PIK3C2G: variants seen among roughly 807,000 people sequenced by gnomAD.
PIK3C2G encodes the protein phosphatidylinositol 3-kinase C2 domain-containing subunit gamma.
Under a neutral mutation model 181.1 loss-of-function variants are expected in PIK3C2G, and 168 were observed. The observed-to-expected ratio is 0.93, with a 90% CI of 0.82 to 1.05. The LOEUF (loss-of-function observed/expected upper bound fraction) is 1.05, where lower values mean the gene tolerates loss of function less well. Among genes scored for constraint, PIK3C2G ranks in the 50% least tolerant of loss-of-function variants. The pLI is 0.00. For synonymous variants in PIK3C2G, 573 were observed against 592.2 expected (o/e 0.97, Z 0.47); for missense variants, 1,869 against 1,732.8 (o/e 1.08, Z -1.40).
the PIK3C2G span, chr12:18,701,735 T>A: frequency 1.2e-6 from 2 of 1,612,128 alleles, no homozygotes; most frequent in Admixed American, 3.3e-5. Flanking sequence ...CCTTTAAGGT[T>A]CCTATTTTCT....
Position 18,639,928 on chromosome 12 carries a change from A to G in PIK3C2G, c.4183-501A>G, listed in dbSNP as rs556258210. On this transcript the variant is annotated intron_variant, in intron 31 of 32. Coordinates refer to ENST00000538779, the MANE Select transcript of PIK3C2G (RefSeq NM_001288772.2). ...TTTTTAAATCTTGTAGGTATATTAAAGTTATAGCTCTAATTAATATTTTAA... is the reference window on the plus strand; with the variant it reads ...TTTTTAAATCTTGTAGGTATATTAAGGTTATAGCTCTAATTAATATTTTAA... Among the ~76,000 whole-genome samples the G allele has an allele frequency of 2.0e-5, 3 of 152,026 alleles. No individual in the cohort carries two copies. The East Asian group carries it at 5.8e-4, about 29-fold the overall frequency.
chr12:18,429,085 A>T (rs1012855628), intron 18 of PIK3C2G, among the ~76,000 whole-genome samples: 1 of 152,126 alleles, frequency 6.6e-6, no homozygotes, highest in African/African-American at 2.4e-5. Context: ...TTAATTAAAG[A>T]TCTTGAGATT....
chr12:18,640,984 G>A lies in PIK3C2G; in HGVS notation c.4308+430G>A, dbSNP rs376807121. ...ATACAAAATACAAATGGAAGTTAAT[G>A]TATATTATAAATAGCTCTCTAATTT... On this transcript the variant is annotated intron_variant, in intron 32 of 32. Coordinates refer to ENST00000538779, the MANE Select transcript of PIK3C2G (RefSeq NM_001288772.2). Among the ~76,000 whole-genome samples the A allele has an allele frequency of 1.2e-4, 18 of 152,240 alleles. No homozygotes were observed. The East Asian group carries it at 2.7e-3, about 23-fold the overall frequency.
intron 22 of PIK3C2G, among the ~76,000 whole-genome samples, chr12:18,501,835 G>A (rs1941509766): frequency 1.3e-5 from 2 of 152,268 alleles, no homozygotes; most frequent in South Asian, 4.1e-4. Context: ...TGACATTGCT[G>A]CAGCAAAGTA....
chr12:18,282,118 G>A lies in PIK3C2G; in HGVS notation c.37G>A (p.Glu13Lys). 1 of 1,605,560 alleles carries A rather than the reference G, an allele frequency of 6.2e-7. No individual in the cohort carries two copies. Among genetic ancestry groups the A allele is most frequent in the South Asian group, 1.1e-5 (1 of 89,998 alleles). Residue 13 changes from glutamate to lysine, a missense_variant, in exon 2 of 33, where the codon GAA (glutamate) becomes AAA (lysine). Glu to Lys is a moderately conservative substitution (Grantham distance 56). Coordinates refer to ENST00000538779, the MANE Select transcript of PIK3C2G (RefSeq NM_001288772.2). ...YSWQTDPNPN[E>K]SHEKQYEHQE... Reference sequence around the variant, plus strand: ...TTGGCAAACGGATCCAAATCCTAATGAATCACACGAAAAGCAGTATGAACA... The same window carrying A: ...TTGGCAAACGGATCCAAATCCTAATAAATCACACGAAAAGCAGTATGAACA...
At chr12:18,399,087 TG>T (rs1191684163) in intron 15 of PIK3C2G, among the ~76,000 whole-genome samples, 1 of 147,544 alleles carries the variant, frequency 6.8e-6, no homozygotes, top group Non-Finnish European at 1.5e-5. Flanking sequence ...CCCAGCTACT[TG>T]GGAGGCTGAG....
intron 12 of PIK3C2G, among the ~76,000 whole-genome samples, chr12:18,370,927 T>C (rs1251254189): frequency 2.6e-5 from 4 of 152,182 alleles, no homozygotes; most frequent in Non-Finnish European, 5.9e-5. Flanking sequence ...AATGTTCAAC[T>C]TATTGTAACT....
At chr12:18,685,480 T>C in the PIK3C2G span, 44 of 217,482 alleles carry the variant, frequency 2.0e-4, no homozygotes, top group Middle Eastern at 1.9e-3. Context: ...GTTTTTGTTC[T>C]TTGACTTACA....
At chr12:18,600,279 A>T (rs1267937253) in intron 30 of PIK3C2G, among the ~76,000 whole-genome samples, 2 of 151,996 alleles carry the variant, frequency 1.3e-5, no homozygotes, top group Non-Finnish European at 2.9e-5. Context: ...GAAGACACTT[A>T]GGTTTAGGAA....
At chr12:18,389,183 T>C (rs1191588969) in intron 14 of PIK3C2G, among the ~76,000 whole-genome samples, 1 of 151,976 alleles carries the variant, frequency 6.6e-6, no homozygotes, top group Non-Finnish European at 1.5e-5. Context: ...AAACCCCGTC[T>C]CTACTAAAAA....
At chr12:18,413,275 A>C (rs187319731) in intron 16 of PIK3C2G, among the ~76,000 whole-genome samples, 2 of 152,230 alleles carry the variant, frequency 1.3e-5, no homozygotes, top group Admixed American at 6.5e-5. Context: ...TTAAATCCTG[A>C]AACAGAGAGA....
intron 24 of PIK3C2G, among the ~76,000 whole-genome samples, chr12:18,536,584 C>T (rs1227764412): frequency 1.3e-5 from 2 of 152,074 alleles, no homozygotes; most frequent in Non-Finnish European, 2.9e-5. Context: ...GCCACCCTCC[C>T]TATGTGTCAG....
chr12:18,516,299 A>G (rs934953963), intron 24 of PIK3C2G, among the ~76,000 whole-genome samples: 1 of 128,102 alleles, frequency 7.8e-6, no homozygotes, highest in African/African-American at 3.0e-5. Context: ...TGAATATGTT[A>G]TCCTGCTTTC....
intron 30 of PIK3C2G, among the ~76,000 whole-genome samples, chr12:18,594,861 C>A (rs190262883): frequency 5.0e-4 from 76 of 152,118 alleles, no homozygotes; most frequent in African/African-American, 1.7e-3. Context: ...AATTAAATTG[C>A]AGACCACTGT....
At chr12:18,389,039 C>T (rs750326988) in intron 14 of PIK3C2G, among the ~76,000 whole-genome samples, 2 of 152,154 alleles carry the variant, frequency 1.3e-5, no homozygotes, top group Non-Finnish European at 2.9e-5. Flanking sequence ...TTGAATAGAT[C>T]TCCTGAAGCG....
At chr12:18,473,248 C>T (rs1938621050) in intron 18 of PIK3C2G, among the ~76,000 whole-genome samples, 1 of 152,074 alleles carries the variant, frequency 6.6e-6, no homozygotes, top group Non-Finnish European at 1.5e-5. Context: ...TTCCAGAGTC[C>T]AGGTCTGATT....
At chr12:18,425,398 T>TG (rs1368205302) in intron 18 of PIK3C2G, among the ~76,000 whole-genome samples, 1 of 139,452 alleles carries the variant, frequency 7.2e-6, no homozygotes, top group Non-Finnish European at 1.5e-5. Context: ...TTTTTTTTTT[T>TG]TTTTTTTTTT....
intron 18 of PIK3C2G, among the ~76,000 whole-genome samples, chr12:18,456,288 T>C (rs1947623508): frequency 6.6e-6 from 1 of 151,302 alleles, no homozygotes; most frequent in African/African-American, 2.4e-5. Flanking sequence ...CACAAGGGAG[T>C]TTAAGAGGGG....
At chr12:18,502,066 G>C (rs1941529706) in intron 22 of PIK3C2G, among the ~76,000 whole-genome samples, 1 of 152,154 alleles carries the variant, frequency 6.6e-6, no homozygotes, top group South Asian at 2.1e-4. Flanking sequence ...GAGAAAACCT[G>C]GGCAACAGCC....
Sources: gnomAD v4.1 joint callset for allele counts (sites outside exome capture counted in the v4.1 genomes callset) on GRCh38, gnomAD v4.1.1 for gene constraint, MANE v1.5 for transcripts, NCBI Gene and HGNC (gene_info 2026-07-23, HGNC 2026-07-21) for gene names.